The following SLC44A5 variants were observed in gnomAD, a reference collection of about 807,000 sequenced individuals.
The protein encoded by SLC44A5 is solute carrier family 44 member 5.
SLC44A5 carries 57 observed loss-of-function variants against 101.8 expected under a neutral mutation model. The ratio of observed to expected loss-of-function variants is 0.56; its 90% confidence interval spans 0.45 to 0.70. SLC44A5 has a LOEUF of 0.70. Ranked by LOEUF, SLC44A5 falls within the 30% of genes least tolerant of loss-of-function variation. The pLI is 0.00. For missense variants in SLC44A5, 737 were observed against 853.1 expected (o/e 0.86, Z 1.70); for synonymous variants, 281 against 290.9 (o/e 0.97, Z 0.35).
chr1:75,229,916 G>A lies in SLC44A5; in HGVS notation c.854-2059C>T, dbSNP rs569833663. Among the ~76,000 whole-genome samples the A allele has an allele frequency of 2.6e-5, 4 of 152,148 alleles. No individual in the cohort carries two copies. In the East Asian group the frequency reaches 7.7e-4, roughly 29 times the overall value. ...ATATCTATGGATCCATGGTTTCATC[G>A]GTTCTAGAAAATTCTCAGCCAAGAG... On this transcript the variant is annotated intron_variant, in intron 12 of 23. Transcript: ENST00000370859.
chr1:75,535,591 C>G (rs1173470274), intron 2 of SLC44A5, among the ~76,000 whole-genome samples: 1 of 152,154 alleles, frequency 6.6e-6, no homozygotes, highest in African/African-American at 2.4e-5. Flanking sequence ...CTGGCCATAT[C>G]CCACCATGCT....
At chr1:75,322,051 C>G (rs114233337) in intron 4 of SLC44A5, among the ~76,000 whole-genome samples, 1 of 152,102 alleles carries the variant, frequency 6.6e-6, no homozygotes, top group African/African-American at 2.4e-5. Flanking sequence ...TGGTGGCTCA[C>G]GTCTGGAATT....
chr1:75,712,819 A>G, the SLC44A5 span, among the ~76,000 whole-genome samples: 3 of 152,100 alleles, frequency 2.0e-5, no homozygotes, highest in African/African-American at 7.2e-5. Flanking sequence ...TCTGAGGGAA[A>G]AAAATATGAA....
chr1:75,690,399 G>A, the SLC44A5 span, among the ~76,000 whole-genome samples: 3 of 151,980 alleles, frequency 2.0e-5, no homozygotes, highest in African/African-American at 7.3e-5. Context: ...TAACACACGG[G>A]GATTATAATT....
chr1:75,450,833 C>A (rs1438377558), intron 2 of SLC44A5, among the ~76,000 whole-genome samples: 1 of 152,128 alleles, frequency 6.6e-6, no homozygotes, highest in African/African-American at 2.4e-5. Flanking sequence ...ACAGGAAGGC[C>A]CTCCCTCCTT....
At chr1:75,589,858 G>A (rs1482894731) in intron 1 of SLC44A5, among the ~76,000 whole-genome samples, 1 of 152,116 alleles carries the variant, frequency 6.6e-6, no homozygotes, top group African/African-American at 2.4e-5. Flanking sequence ...TGCAGAGAGA[G>A]CATTTAAACT....
chr1:75,240,788 G>T (rs1175867871), intron 9 of SLC44A5, among the ~76,000 whole-genome samples: 9 of 151,962 alleles, frequency 5.9e-5, no homozygotes, highest in Non-Finnish European at 1.3e-4. Flanking sequence ...TATATACATT[G>T]TAAGAAAGTG....
intron 2 of SLC44A5, among the ~76,000 whole-genome samples, chr1:75,473,017 T>A (rs1416821364): frequency 4.6e-5 from 7 of 152,226 alleles, no homozygotes; most frequent in African/African-American, 1.7e-4. Flanking sequence ...TTGCTAGTAT[T>A]CCTAGTCCTC....
At chr1:75,318,218 A>G (rs1446874892) in intron 4 of SLC44A5, among the ~76,000 whole-genome samples, 3 of 152,116 alleles carry the variant, frequency 2.0e-5, no homozygotes, top group African/African-American at 4.8e-5. Flanking sequence ...TCTCTACACA[A>G]ATAAAAACAT....
At chr1:75,682,331 A>T in the SLC44A5 span, among the ~76,000 whole-genome samples, 1 of 152,154 alleles carries the variant, frequency 6.6e-6, no homozygotes, top group South Asian at 2.1e-4. Flanking sequence ...AGCTGGAGGC[A>T]TCACACTACC....
chr1:75,684,572 C>T, the SLC44A5 span, among the ~76,000 whole-genome samples: 1 of 152,154 alleles, frequency 6.6e-6, no homozygotes, highest in South Asian at 2.1e-4. Flanking sequence ...AAAGGAGCTA[C>T]AGGCCCCATG....
chr1:75,268,934 A>T (rs1368741614), intron 6 of SLC44A5, among the ~76,000 whole-genome samples: 1 of 152,134 alleles, frequency 6.6e-6, no homozygotes, highest in Non-Finnish European at 1.5e-5. Flanking sequence ...CTATAACGTT[A>T]GGAAATCTAT....
the SLC44A5 span, among the ~76,000 whole-genome samples, chr1:75,685,317 A>C: frequency 1.3e-5 from 2 of 152,158 alleles, no homozygotes; most frequent in Non-Finnish European, 2.9e-5. Flanking sequence ...GATGATTAGC[A>C]TTTGGATCCT....
At chr1:75,541,554 C>A in intron 1 of SLC44A5, 38 bp from the exon 2 acceptor site, 1 of 1,435,934 alleles carries the variant, frequency 7.0e-7, no homozygotes, top group African/African-American at 1.4e-5. Context: ...TTACCTAAAG[C>A]AAATTATTTT....
At chr1:75,678,212 C>G in the SLC44A5 span, among the ~76,000 whole-genome samples, 2 of 152,172 alleles carry the variant, frequency 1.3e-5, no homozygotes, top group African/African-American at 2.4e-5. Context: ...CCCAGGCTTG[C>G]TTAGGTAAAC....
At chr1:75,579,826 T>TACACACACACACACACACACACAC (rs6143284) in intron 1 of SLC44A5, among the ~76,000 whole-genome samples, 44 of 150,060 alleles carry the variant, frequency 2.9e-4, no homozygotes, top group South Asian at 1.3e-3. Flanking sequence ...TTCAACTATC[T>TACACACACACACACACACACACAC]ACACACACAC....
chr1:75,296,828 C>T (rs1325200356), intron 5 of SLC44A5, among the ~76,000 whole-genome samples: 4 of 152,176 alleles, frequency 2.6e-5, no homozygotes, highest in African/African-American at 9.7e-5. Context: ...TCTATTGTTG[C>T]ACTCCCAAAC....
At chr1:75,478,032 C>A (rs1447516130) in intron 2 of SLC44A5, among the ~76,000 whole-genome samples, 2 of 152,130 alleles carry the variant, frequency 1.3e-5, no homozygotes, top group Non-Finnish European at 2.9e-5. Flanking sequence ...AAGGGAAGCC[C>A]ATCAGACTAA....
At chr1:75,519,438 A>T (rs1431820587) in intron 2 of SLC44A5, among the ~76,000 whole-genome samples, 1 of 152,130 alleles carries the variant, frequency 6.6e-6, no homozygotes, top group Non-Finnish European at 1.5e-5. Context: ...CATGCCTGTA[A>T]TCCCAGCGAC....
Sources: gnomAD v4.1 joint callset for allele counts (sites outside exome capture counted in the v4.1 genomes callset) on GRCh38, gnomAD v4.1.1 for gene constraint, MANE v1.5 for transcripts, NCBI Gene and HGNC (gene_info 2026-07-23, HGNC 2026-07-21) for gene names.